PDE3A: variants seen among roughly 807,000 people sequenced by gnomAD.
The protein encoded by PDE3A is phosphodiesterase 3A.
PDE3A carries 43 observed loss-of-function variants against 98.3 expected under a neutral mutation model. That is an observed-to-expected ratio of 0.44 (90% CI 0.34 to 0.56). PDE3A has a LOEUF of 0.56. Among genes scored for constraint, PDE3A ranks in the 20% least tolerant of loss-of-function variants. The pLI is 0.01. For synonymous variants in PDE3A, 663 were observed against 567.9 expected (o/e 1.17, Z -2.38); for missense variants, 1,427 against 1,440.7 (o/e 0.99, Z 0.15).
rs1273769643 is a variant in PDE3A at position 20,686,240 on chromosome 12, AAATTAT to A, written c.*5971_*5976del. Among the ~76,000 whole-genome samples, 1 of 152,192 alleles carries A rather than the reference AAATTAT, an allele frequency of 6.6e-6. No individual in the cohort carries two copies. The highest frequency in any genetic ancestry group is 2.4e-5 in the African/African-American group (1 of 41,470). Reference sequence around the variant, plus strand: ...TAGTGTCAATAATTTAACTTTGTACAAATTATAGTCTGAGATCTTCTGAGTTTTCCT... The same window carrying A: ...TAGTGTCAATAATTTAACTTTGTACAAGTCTGAGATCTTCTGAGTTTTCCT... On this transcript the variant is annotated 3_prime_UTR_variant, in exon 16 of 16. Coordinates refer to ENST00000359062, the MANE Select transcript of PDE3A (RefSeq NM_000921.5).
intron 15 of PDE3A, among the ~76,000 whole-genome samples, chr12:20,665,265 A>G (rs10841588): frequency 0.54 from 82,564 of 152,086 alleles, 23,469 homozygotes; most frequent in East Asian, 0.73. Flanking sequence ...GGTACATATC[A>G]GGTGATTCAT....
chr12:20,543,529 T>C (rs2121227163), intron 1 of PDE3A, among the ~76,000 whole-genome samples: 1 of 152,034 alleles, frequency 6.6e-6, no homozygotes, highest in Non-Finnish European at 1.5e-5. Context: ...AAAATTTAGA[T>C]TTTTCCACTG....
At chr12:20,590,724 A>G (rs1343176939) in intron 2 of PDE3A, among the ~76,000 whole-genome samples, 2 of 152,156 alleles carry the variant, frequency 1.3e-5, no homozygotes, top group East Asian at 3.9e-4. Flanking sequence ...ACACATTTAA[A>G]TTATACATTC....
intron 2 of PDE3A, among the ~76,000 whole-genome samples, chr12:20,566,326 T>C (rs1942654470): frequency 6.6e-6 from 1 of 151,934 alleles, no homozygotes; most frequent in African/African-American, 2.4e-5. Flanking sequence ...CAAACTTGCA[T>C]CAAAATAGTT....
At chr12:20,515,866 G>A (rs1205369125) in intron 1 of PDE3A, among the ~76,000 whole-genome samples, 1 of 149,380 alleles carries the variant, frequency 6.7e-6, no homozygotes, top group Admixed American at 6.7e-5. Context: ...CCAAGTAGCT[G>A]GGACTACAGG....
intron 2 of PDE3A, among the ~76,000 whole-genome samples, chr12:20,562,271 C>T (rs777866042): frequency 9.5e-5 from 13 of 137,316 alleles, no homozygotes; most frequent in Non-Finnish European, 1.4e-4. Flanking sequence ...CCCAGGCTGG[C>T]GTGCAGTGGT....
chr12:20,533,828 C>A (rs1193644354), intron 1 of PDE3A, among the ~76,000 whole-genome samples: 1 of 152,036 alleles, frequency 6.6e-6, no homozygotes, highest in East Asian at 1.9e-4. Context: ...TAAGTCTGAA[C>A]AAAGTAGTGA....
At chr12:20,440,294 A>G (rs757154680) in intron 1 of PDE3A, among the ~76,000 whole-genome samples, 1 of 152,184 alleles carries the variant, frequency 6.6e-6, no homozygotes, top group Non-Finnish European at 1.5e-5. Flanking sequence ...ATAAGGAAAA[A>G]GAAATTGGTG....
At chr12:20,649,918 C>T (rs573526629) in intron 13 of PDE3A, among the ~76,000 whole-genome samples, 7 of 150,868 alleles carry the variant, frequency 4.6e-5, no homozygotes, top group Non-Finnish European at 8.9e-5. Context: ...GAGGGCAAGA[C>T]TCTGTCTCAA....
chr12:20,650,725 G>A, intron 14 of PDE3A, 125 bp downstream of exon 14: 1 of 507,274 alleles, frequency 2.0e-6, no homozygotes, highest in African/African-American at 1.9e-5. Flanking sequence ...GTCAGAAAAT[G>A]CACTGGTCAA....
At chr12:20,530,974 A>ACT (rs200407053) in intron 1 of PDE3A, among the ~76,000 whole-genome samples, 1 of 152,186 alleles carries the variant, frequency 6.6e-6, no homozygotes, top group East Asian at 1.9e-4. Flanking sequence ...TAGGATGAGC[A>ACT]CTCTCCCTTA....
In PDE3A at chr12:20,621,339, A is replaced by T; in HGVS notation, c.1468A>T (p.Ser490Cys). The change falls in exon 5 of 16, where the codon AGC becomes TGC. Residue 490 changes from serine (S) to cysteine (C), a missense_variant. Ser to Cys is a moderately radical substitution (Grantham distance 112, BLOSUM62 -1). Around this residue, in one of 3 missense-constraint regions of PDE3A, gnomAD observed 1,012 missense variants for 886.5 expected, o/e 1.14. Coordinates refer to ENST00000359062, the MANE Select transcript of PDE3A (RefSeq NM_000921.5). ...TCCAGTGATGATGACCCTCACCAAA[A>T]GCAGATCCTTTACTTCATCCTATGC... ...NNPVMMTLTK[S>C]RSFTSSYAIS... 1 of 1,611,812 alleles carries T rather than the reference A, an allele frequency of 6.2e-7. No individual in the cohort carries two copies. Among genetic ancestry groups the T allele is most frequent in the Non-Finnish European group, 8.5e-7 (1 of 1,178,088 alleles).
intron 1 of PDE3A, among the ~76,000 whole-genome samples, chr12:20,512,505 A>G (rs1221755427): frequency 6.6e-6 from 1 of 152,118 alleles, no homozygotes; most frequent in African/African-American, 2.4e-5. Flanking sequence ...TTGCTTTCAT[A>G]TCTTTCAGCA....
At chr12:20,617,731 A>G (rs918750399) in intron 4 of PDE3A, among the ~76,000 whole-genome samples, 5 of 152,104 alleles carry the variant, frequency 3.3e-5, no homozygotes, top group Non-Finnish European at 7.4e-5. Flanking sequence ...TTTCCTTCCC[A>G]TAGAATGACT....
chr12:20,455,312 G>T (rs1275540336), intron 1 of PDE3A, among the ~76,000 whole-genome samples: 1 of 152,012 alleles, frequency 6.6e-6, no homozygotes, highest in East Asian at 1.9e-4. Flanking sequence ...GGAGTTGTTT[G>T]TTCTTTTCTT....
At chr12:20,416,214 A>T (rs560158649) in intron 1 of PDE3A, among the ~76,000 whole-genome samples, 38 of 152,330 alleles carry the variant, frequency 2.5e-4, no homozygotes, top group Non-Finnish European at 4.4e-4. Context: ...CATGGAAAGC[A>T]TATGTGACTT....
intron 15 of PDE3A, among the ~76,000 whole-genome samples, chr12:20,667,061 A>G (rs1945333055): frequency 6.6e-6 from 1 of 152,010 alleles, no homozygotes; most frequent in South Asian, 2.1e-4. Context: ...CCTGTTGGCC[A>G]TTTGTATGTT....
chr12:20,581,847 C>T (rs1592079276), intron 2 of PDE3A, among the ~76,000 whole-genome samples: 9 of 151,910 alleles, frequency 5.9e-5, no homozygotes, highest in Admixed American at 5.9e-4. Context: ...CTCCTGACCT[C>T]GTGATCCGCC....
intron 15 of PDE3A, among the ~76,000 whole-genome samples, chr12:20,655,368 C>T (rs948683870): frequency 6.6e-6 from 1 of 151,970 alleles, no homozygotes; most frequent in Admixed American, 6.6e-5. Flanking sequence ...TGCAAAGGTC[C>T]GGGGATGTAC....
Sources: gnomAD v4.1 joint callset for allele counts (sites outside exome capture counted in the v4.1 genomes callset) on GRCh38, gnomAD v4.1.1 for gene constraint, gnomAD v4.1.1 regional missense constraint, MANE v1.5 for transcripts, NCBI Gene and HGNC (gene_info 2026-07-23, HGNC 2026-07-21) for gene names.